KDM6A: variants seen among roughly 807,000 people sequenced by gnomAD.
KDM6A encodes lysine-specific demethylase 6A.
A neutral mutation model predicts 117.6 loss-of-function variants in KDM6A; 11 were observed. The observed-to-expected ratio is 0.09, with a 90% CI of 0.06 to 0.15. The LOEUF (loss-of-function observed/expected upper bound fraction) is 0.15, where lower values mean the gene tolerates loss of function less well. KDM6A is among the 10% of genes least tolerant of loss of function. The pLI is 1.00. For synonymous variants in KDM6A, 384 were observed against 396.1 expected, an observed-to-expected ratio of 0.97 and a Z score of 0.36; for missense variants, 799 against 1,077.3, an observed-to-expected ratio of 0.74 and a Z score of 3.62.
At chrX:44,889,655 A>G (rs1465050546) in intron 2 of KDM6A, among the ~76,000 whole-genome samples, 1 of 111,670 alleles carries the variant, frequency 9.0e-6, no homozygotes, top group Non-Finnish European at 1.9e-5. Context: ...TTAAATAGTC[A>G]TGATTCTATG....
Position 45,052,838 on chromosome X carries a change from T to C in KDM6A, c.749-991T>C, listed in dbSNP as rs2043915541. ...CCGAGTAGCTAGGGCTGCAGGCGCATGCCACCACGCCTGGCTGATTTAAAA... is the reference window on the plus strand; with the variant it reads ...CCGAGTAGCTAGGGCTGCAGGCGCACGCCACCACGCCTGGCTGATTTAAAA... On this transcript the variant is annotated intron_variant, in intron 9 of 29. Coordinates refer to ENST00000611820, the MANE Select transcript of KDM6A (RefSeq NM_001291415.2). Among the ~76,000 whole-genome samples, 6 of 111,039 alleles carry C rather than the reference T, an allele frequency of 5.4e-5. No individual in the cohort carries two copies. The Admixed American group carries it at 5.7e-4, about 11-fold the overall frequency.
At position 44,952,259 on chromosome X, in the gene KDM6A, C is replaced by G. The variant is rs1360941641; in HGVS notation, c.226-9025C>G. On this transcript the variant is annotated intron_variant, in intron 2 of 29. Transcript: ENST00000611820. The stretch of plus-strand genomic sequence containing the variant: ...GGGATTCAGACTGGCATCTAACTTT[C>G]ATTCTACTGACCTTTTTTTTTTTTT... Among the ~76,000 whole-genome samples, 22 of 103,493 alleles carry G rather than the reference C, an allele frequency of 2.1e-4. No individual in the cohort carries two copies. In the Admixed American group the frequency reaches 2.3e-3, roughly 11 times the overall value. 89.9% of individuals were successfully genotyped at this position (103,493 alleles called of 115,157 possible).
chrX:45,047,170 T>C (rs2043574343), intron 8 of KDM6A, among the ~76,000 whole-genome samples: 1 of 111,500 alleles, frequency 9.0e-6, no homozygotes, highest in African/African-American at 3.3e-5. Flanking sequence ...GACTTCAATG[T>C]GCTCAGATAT....
intron 2 of KDM6A, among the ~76,000 whole-genome samples, chrX:44,898,405 G>A (rs1175982169): frequency 1.8e-5 from 2 of 111,778 alleles, no homozygotes; most frequent in African/African-American, 6.5e-5. Flanking sequence ...AGGGGTTGGG[G>A]CAGGGAGTAG....
chrX:44,976,655 C>T (rs1474148090), intron 4 of KDM6A, among the ~76,000 whole-genome samples: 8 of 111,150 alleles, frequency 7.2e-5, no homozygotes, highest in Admixed American at 2.9e-4. Flanking sequence ...TCTGCAGATG[C>T]GGAACCCATG....
intron 2 of KDM6A, among the ~76,000 whole-genome samples, chrX:44,887,946 G>T (rs1020446470): frequency 9.0e-6 from 1 of 111,609 alleles, no homozygotes; most frequent in Non-Finnish European, 1.9e-5. Context: ...GGTGAGCTGT[G>T]ATTGTGCCAG....
At chrX:44,963,483 G>GTGTGTGTGTGTGTGTCTGTCTGTC (rs1481840859) in intron 3 of KDM6A, among the ~76,000 whole-genome samples, 128 of 40,843 alleles carry the variant, frequency 3.1e-3, no homozygotes, top group African/African-American at 9.0e-3. Flanking sequence ...GTGTGTGTGT[G>GTGTGTGTGTGTGTGTCTGTCTGTC]TGTCTGTCTG....
intron 4 of KDM6A, among the ~76,000 whole-genome samples, chrX:45,003,248 AGGAG>A (rs1159568129): frequency 9.0e-6 from 1 of 110,562 alleles, no homozygotes; most frequent in Non-Finnish European, 1.9e-5. Context: ...ATCACCCAGG[AGGAG>A]GGAGGAACTG....
chrX:45,007,507 C>T (rs1240177667), intron 4 of KDM6A, among the ~76,000 whole-genome samples: 1 of 111,630 alleles, frequency 9.0e-6, no homozygotes, highest in Non-Finnish European at 1.9e-5. Context: ...ACAAACGTGT[C>T]TTGAACTTGA....
intron 2 of KDM6A, among the ~76,000 whole-genome samples, chrX:44,941,040 A>T (rs2037286010): frequency 9.2e-6 from 1 of 108,712 alleles, no homozygotes; most frequent in Non-Finnish European, 1.9e-5. Flanking sequence ...TGTCTCAAAT[A>T]AAAAAAAAAT....
chrX:45,108,118 A>T (rs2046598298), intron 28 of KDM6A, among the ~76,000 whole-genome samples: 1 of 111,825 alleles, frequency 8.9e-6, no homozygotes, highest in Non-Finnish European at 1.9e-5. Flanking sequence ...TTTTTCTTCT[A>T]GTATTGGCAT....
At chrX:45,027,336 AACACACACACACAC>A (rs200245833) in intron 6 of KDM6A, among the ~76,000 whole-genome samples, 152 of 98,151 alleles carry the variant, frequency 1.5e-3, no homozygotes, top group Non-Finnish European at 2.4e-3. Flanking sequence ...CATAGTGTGA[AACACACACACACAC>A]ACACACACAC....
Position 45,070,044 on chromosome X carries a change from T to A in KDM6A, c.2545T>A (p.Cys849Ser), listed in dbSNP as rs2148049040. Residue 849 changes from cysteine to serine, a missense_variant, in exon 18 of 30, where the codon TGT becomes AGT. Transcript: ENST00000611820. ...KANNNVGTGTCDKVNNIHPAV... is the reference protein window; with the variant it reads ...KANNNVGTGTSDKVNNIHPAV... ...CAATAACAATGTGGGTACTGGAACC[T>A]GTGACAAAGTCAATAACATCCACCC... is the stretch of plus-strand genomic sequence containing the variant. 1.7e-6 allele frequency: 2 copies of A among 1,211,617 alleles called. No individual in the cohort carries two copies. The highest frequency in any genetic ancestry group is 2.2e-6 in the Non-Finnish European group (2 of 895,286).
At chrX:45,011,892 C>G (rs967553454) in intron 5 of KDM6A, among the ~76,000 whole-genome samples, 7 of 110,114 alleles carry the variant, frequency 6.4e-5, no homozygotes, top group African/African-American at 2.3e-4. Flanking sequence ...TTCAAGCAGT[C>G]CTTCCACCTT....
chrX:45,015,804 T>G (rs1382557840), intron 5 of KDM6A, among the ~76,000 whole-genome samples: 6 of 111,962 alleles, frequency 5.4e-5, no homozygotes, highest in Non-Finnish European at 1.1e-4. Flanking sequence ...ACTTAAACAG[T>G]GATACATAGA....
chrX:44,921,521 C>T (rs1056710246), intron 2 of KDM6A, among the ~76,000 whole-genome samples: 1 of 111,573 alleles, frequency 9.0e-6, no homozygotes, highest in Non-Finnish European at 1.9e-5. Context: ...TCCCCACAAT[C>T]ATCTCCCCAC....
chrX:45,097,310 GCTTAC>G (rs1466159474), intron 27 of KDM6A, among the ~76,000 whole-genome samples: 2 of 110,740 alleles, frequency 1.8e-5, no homozygotes, highest in Non-Finnish European at 3.8e-5. Context: ...CATGACACAA[GCTTAC>G]CTATAACAGA....
chrX:45,088,450 A>G (rs1292468593), intron 25 of KDM6A, among the ~76,000 whole-genome samples: 1 of 113,468 alleles, frequency 8.8e-6, no homozygotes, highest in African/African-American at 3.2e-5. Context: ...AGACACAGAG[A>G]TAGTACGTAA....
At chrX:44,875,712 G>A (rs1361111254) in intron 2 of KDM6A, among the ~76,000 whole-genome samples, 2 of 111,519 alleles carry the variant, frequency 1.8e-5, no homozygotes, top group African/African-American at 6.5e-5. Context: ...GGTCTAACAT[G>A]GGTTAATAAA....
Sources: allele counts gnomAD v4.1 joint callset (sites outside exome capture counted in the v4.1 genomes callset), GRCh38; gene constraint gnomAD v4.1.1; transcripts MANE v1.5; gene names NCBI Gene and HGNC (gene_info 2026-07-23, HGNC 2026-07-21).